Variants in SLIT2 observed in about 807,000 individuals in gnomAD.
SLIT2 encodes slit guidance ligand 2.
In SLIT2, 41 loss-of-function variants were observed where a neutral mutation model predicts 185.7. That is an observed-to-expected ratio of 0.22 (90% CI 0.17 to 0.29). The LOEUF (loss-of-function observed/expected upper bound fraction) is 0.29. SLIT2 is among the 10% of genes least tolerant of loss of function. The pLI, the probability that SLIT2 is intolerant of heterozygous loss-of-function variation, is 1.00. For missense variants in SLIT2, 1,571 were observed against 1,909.0 expected, an observed-to-expected ratio of 0.82 and a Z score of 3.30; for synonymous variants, 693 against 680.2, an observed-to-expected ratio of 1.02 and a Z score of -0.29.
chr4:20,317,143 G>T (rs1441895563), intron 4 of SLIT2, among the ~76,000 whole-genome samples: 1 of 151,854 alleles, frequency 6.6e-6, no homozygotes, highest in Non-Finnish European at 1.5e-5. Context: ...ACATACATAG[G>T]AGAGTAATAT....
At chr4:20,529,218 C>A (rs897855539) in intron 16 of SLIT2, 119 bp downstream of exon 16, 2 of 685,296 alleles carry the variant, frequency 2.9e-6, no homozygotes, top group Non-Finnish European at 4.6e-6. Flanking sequence ...AATTAATATG[C>A]ATTACATTGG....
At chr4:20,351,344 C>T (rs762375459) in intron 4 of SLIT2, among the ~76,000 whole-genome samples, 2 of 152,122 alleles carry the variant, frequency 1.3e-5, no homozygotes, top group African/African-American at 2.4e-5. Context: ...CCACCACACC[C>T]GGCCTATAGT....
intron 26 of SLIT2, among the ~76,000 whole-genome samples, chr4:20,556,031 T>G (rs2148898469): frequency 6.6e-6 from 1 of 152,238 alleles, no homozygotes; most frequent in African/African-American, 2.4e-5. Context: ...TATTAGTGCA[T>G]CACTGATTGA....
intron 11 of SLIT2, among the ~76,000 whole-genome samples, chr4:20,514,449 T>C (rs1043399742): frequency 2.0e-5 from 3 of 152,104 alleles, no homozygotes; most frequent in African/African-American, 4.8e-5. Flanking sequence ...AAGACTGGCC[T>C]GGCCAACATG....
At chr4:20,437,991 A>G (rs151102703) in intron 4 of SLIT2, among the ~76,000 whole-genome samples, 2,200 of 152,040 alleles carry the variant, frequency 0.014, 62 homozygotes, top group African/African-American at 0.051. Context: ...CCCATGCCCA[A>G]TTCTGAAGCT....
At chr4:20,476,749 C>T (rs1443472748) in intron 5 of SLIT2, among the ~76,000 whole-genome samples, 1 of 152,048 alleles carries the variant, frequency 6.6e-6, no homozygotes, top group Admixed American at 6.6e-5. Flanking sequence ...ATATGTAATT[C>T]AAACTCAGTG....
chr4:20,521,425 A>G (rs1720828729), intron 12 of SLIT2, among the ~76,000 whole-genome samples: 1 of 152,246 alleles, frequency 6.6e-6, no homozygotes. Context: ...TTGTTGTTTA[A>G]TATTTATTTA....
At chr4:20,599,273 C>CTAA (rs1185961619) in intron 33 of SLIT2, among the ~76,000 whole-genome samples, 1 of 142,436 alleles carries the variant, frequency 7.0e-6, no homozygotes, top group African/African-American at 2.5e-5. Context: ...TTGCATAAGA[C>CTAA]TAACTATCAG....
intron 4 of SLIT2, among the ~76,000 whole-genome samples, chr4:20,400,708 A>G (rs1726277929): frequency 6.6e-6 from 1 of 151,766 alleles, no homozygotes. Context: ...AAGAGCACCT[A>G]CTGCCCTAAG....
chr4:20,370,686 T>C (rs1468900973), intron 4 of SLIT2, among the ~76,000 whole-genome samples: 1 of 152,110 alleles, frequency 6.6e-6, no homozygotes, highest in Non-Finnish European at 1.5e-5. Context: ...CCTTGGTAAA[T>C]GGCTATGAGG....
chr4:20,542,418 T>C (rs1722875560), intron 20 of SLIT2, 76 bp from the exon 21 acceptor site: 1 of 1,376,194 alleles, frequency 7.3e-7, no homozygotes, highest in Non-Finnish European at 1.0e-6. Flanking sequence ...GTTAAGTTAA[T>C]TTAAAGGCAT....
At chr4:20,478,943 C>T (rs959621474) in intron 5 of SLIT2, among the ~76,000 whole-genome samples, 3 of 152,188 alleles carry the variant, frequency 2.0e-5, no homozygotes, top group Non-Finnish European at 4.4e-5. Context: ...CATATTACAT[C>T]ATGAGACTTT....
chr4:20,463,472 T>TCAC (rs1427717278), intron 4 of SLIT2, among the ~76,000 whole-genome samples: 13 of 115,668 alleles, frequency 1.1e-4, no homozygotes, highest in African/African-American at 4.2e-4. Flanking sequence ...TATATATATA[T>TCAC]ATATATATAT....
At chr4:20,320,455 G>A (rs1023451366) in intron 4 of SLIT2, among the ~76,000 whole-genome samples, 1 of 152,072 alleles carries the variant, frequency 6.6e-6, no homozygotes, top group South Asian at 2.1e-4. Context: ...GATGTAAAAT[G>A]CAGGAAACAA....
intron 29 of SLIT2, among the ~76,000 whole-genome samples, chr4:20,587,239 G>A (rs10021884): frequency 0.031 from 4,737 of 152,018 alleles, 251 homozygotes; most frequent in African/African-American, 0.1. Flanking sequence ...AGCTGGTCTC[G>A]AACTCCTGAC....
chr4:20,602,674 A>G (rs1001949778), intron 33 of SLIT2, among the ~76,000 whole-genome samples: 4 of 152,138 alleles, frequency 2.6e-5, no homozygotes, highest in Non-Finnish European at 5.9e-5. Flanking sequence ...TACTCCAGGG[A>G]CTACACTTTG....
At chr4:20,382,857 A>G (rs918928715) in intron 4 of SLIT2, among the ~76,000 whole-genome samples, 4 of 152,138 alleles carry the variant, frequency 2.6e-5, no homozygotes, top group Admixed American at 2.6e-4. Context: ...TTTGAAAAAA[A>G]TAAAATAAAA....
In SLIT2 at chr4:20,508,800, A is replaced by C. The variant is rs1410319067; in HGVS notation, c.915-1695A>C. ...TCAAAGGGAAAAAAGATTGTTAGTA[A>C]TATCAAATGTTACAGTGAGTTCAAG... is the stretch of plus-strand genomic sequence containing the variant. On this transcript the variant is annotated intron_variant, in intron 9 of 36. Coordinates refer to ENST00000504154, the MANE Select transcript of SLIT2 (RefSeq NM_004787.4). 3.9e-5 allele frequency among the ~76,000 whole-genome samples: 6 copies of C among 152,234 alleles called. No homozygotes were observed. In the East Asian group the frequency reaches 1.2e-3, roughly 29 times the overall value.
At chr4:20,282,848 A>T (rs1169456089) in intron 4 of SLIT2, among the ~76,000 whole-genome samples, 1 of 152,112 alleles carries the variant, frequency 6.6e-6, no homozygotes, top group African/African-American at 2.4e-5. Context: ...CTTCTGATTG[A>T]GATTTTATTA....
Sources: allele counts gnomAD v4.1 joint callset (sites outside exome capture counted in the v4.1 genomes callset), GRCh38; gene constraint gnomAD v4.1.1; transcripts MANE v1.5; gene names NCBI Gene and HGNC (gene_info 2026-07-23, HGNC 2026-07-21).